The following SAMD4A variants were observed in gnomAD, a reference collection of about 807,000 sequenced individuals.
SAMD4A encodes protein Smaug homolog 1.
Under a neutral mutation model 81.3 loss-of-function variants are expected in SAMD4A, and 33 were observed. That is an observed-to-expected ratio of 0.41 (90% confidence interval 0.31 to 0.54). The LOEUF is 0.54. SAMD4A is among the 20% of genes least tolerant of loss of function. SAMD4A has a pLI of 0.37. For synonymous variants in SAMD4A, 389 were observed against 382.1 expected (o/e 1.02, Z -0.21); for missense variants, 854 against 951.1 (o/e 0.90, Z 1.34).
At chr14:54,638,844 A>G (rs1363605049) in intron 2 of SAMD4A, among the ~76,000 whole-genome samples, 3 of 152,224 alleles carry the variant, frequency 2.0e-5, no homozygotes, top group East Asian at 1.9e-4. Flanking sequence ...TTCAATGTAT[A>G]CCGATGTTCT....
At chr14:54,657,615 G>A (rs1214935101) in intron 2 of SAMD4A, among the ~76,000 whole-genome samples, 2 of 152,186 alleles carry the variant, frequency 1.3e-5, no homozygotes, top group Admixed American at 6.5e-5. Flanking sequence ...ACTGTGTTGG[G>A]TTTTCTGCTT....
intron 2 of SAMD4A, chr14:54,688,260 C>A: frequency 1.0e-6 from 1 of 985,406 alleles, no homozygotes; most frequent in Non-Finnish European, 1.2e-6. Flanking sequence ...TGAGTTGATA[C>A]CAAACTTCAC....
chr14:54,671,778 G>T (rs2035885353), intron 2 of SAMD4A, among the ~76,000 whole-genome samples: 1 of 152,186 alleles, frequency 6.6e-6, no homozygotes, highest in Admixed American at 6.5e-5. Context: ...CTGCCAGCAG[G>T]CATGAAATCA....
At chr14:54,596,584 C>CA (rs532929789) in intron 2 of SAMD4A, among the ~76,000 whole-genome samples, 1 of 151,880 alleles carries the variant, frequency 6.6e-6, no homozygotes, top group African/African-American at 2.4e-5. Flanking sequence ...GACTGCGTCT[C>CA]AAAAAAAAGA....
chr14:54,605,844 T>C (rs1566543677), intron 2 of SAMD4A, among the ~76,000 whole-genome samples: 1 of 152,006 alleles, frequency 6.6e-6, no homozygotes, highest in Non-Finnish European at 1.5e-5. Context: ...TATGTATGAC[T>C]TAAAAAATTA....
intron 2 of SAMD4A, among the ~76,000 whole-genome samples, chr14:54,594,771 A>C (rs567135300): frequency 1.3e-5 from 2 of 152,260 alleles, no homozygotes; most frequent in Non-Finnish European, 2.9e-5. Context: ...AGTCTCAGAC[A>C]TACTAACATA....
In SAMD4A at chr14:54,676,651, G is replaced by A. The variant is rs149527351; in HGVS notation, c.197-25411G>A. ...ACCCGCCTCAGCCTCCCAGAGTGCTGGGATTACAGGCGTGAACCACTGTGC... is the reference window on the plus strand; with the variant it reads ...ACCCGCCTCAGCCTCCCAGAGTGCTAGGATTACAGGCGTGAACCACTGTGC... On this transcript the variant is annotated intron_variant, in intron 2 of 12. Coordinates refer to ENST00000554335, the MANE Select transcript of SAMD4A (RefSeq NM_015589.6). 3.4e-3 allele frequency among the ~76,000 whole-genome samples: 522 copies of A among 152,310 alleles called. 6 individuals are homozygous for A. The highest frequency in any genetic ancestry group is 0.012 in the African/African-American group (501 of 41,566).
Position 54,589,125 on chromosome 14 carries a change from T to G in SAMD4A, c.196+21013T>G, listed in dbSNP as rs144131737. Reference sequence around the variant, plus strand: ...CCCTTATCTTAGAAAGTTTTACATTTGGATTTTGGTCTATTTTATTTCAAC... The same window carrying G: ...CCCTTATCTTAGAAAGTTTTACATTGGGATTTTGGTCTATTTTATTTCAAC... On this transcript the variant is annotated intron_variant, in intron 2 of 12. Coordinates refer to ENST00000554335, the MANE Select transcript of SAMD4A (RefSeq NM_015589.6). Among the ~76,000 whole-genome samples the G allele has an allele frequency of 2.2e-3, 329 of 152,318 alleles. 3 individuals carry two copies. Among genetic ancestry groups the G allele is most frequent in the African/African-American group, 7.6e-3 (315 of 41,564 alleles).
Position 54,592,881 on chromosome 14 carries a change from T to C in SAMD4A, c.196+24769T>C, listed in dbSNP as rs141493906. ...ATTTCCTTCTAGGCCGTCATCTTTA[T>C]GTTTATGCGTGTTTTTAACAATGTA... On this transcript the variant is annotated intron_variant, in intron 2 of 12. Coordinates refer to ENST00000554335, the MANE Select transcript of SAMD4A (RefSeq NM_015589.6). 2.1e-3 allele frequency among the ~76,000 whole-genome samples: 326 copies of C among 152,372 alleles called. 2 individuals carry two copies. The Middle Eastern group carries it at 0.024, about 11-fold the overall frequency.
chr14:54,775,413 G>T (rs1285316545), intron 10 of SAMD4A, among the ~76,000 whole-genome samples: 1 of 152,180 alleles, frequency 6.6e-6, no homozygotes, highest in Admixed American at 6.5e-5. Flanking sequence ...TTTCTTCTTT[G>T]CCCCATGCTT....
chr14:54,758,377 C>T (rs1017434769), intron 6 of SAMD4A, among the ~76,000 whole-genome samples: 2 of 152,134 alleles, frequency 1.3e-5, no homozygotes, highest in African/African-American at 4.8e-5. Flanking sequence ...TTTTTCTGAT[C>T]GATTGATTGG....
intron 2 of SAMD4A, among the ~76,000 whole-genome samples, chr14:54,576,941 G>C (rs2033315355): frequency 6.6e-6 from 1 of 152,236 alleles, no homozygotes; most frequent in Non-Finnish European, 1.5e-5. Context: ...GGGTCCCCAA[G>C]AAGGCAGAGC....
At chr14:54,766,886 G>A (rs902423493) in intron 8 of SAMD4A, among the ~76,000 whole-genome samples, 3 of 152,082 alleles carry the variant, frequency 2.0e-5, no homozygotes, top group South Asian at 2.1e-4. Flanking sequence ...CTGGCCTGAC[G>A]CTTCCTGCTT....
intron 2 of SAMD4A, chr14:54,682,156 A>G (rs1468452029): frequency 1.5e-6 from 1 of 665,166 alleles, no homozygotes; most frequent in East Asian, 1.4e-4. Context: ...GATTGTGGGG[A>G]GTCTGCTGTG....
In SAMD4A at chr14:54,789,123, C is replaced by G; in HGVS notation, c.*179C>G. ...TCATCCTCGTAAACATATCAGTAGA[C>G]CTGGGGTTGGTTATTTTGTCATTTG... On this transcript the variant is annotated 3_prime_UTR_variant, in exon 13 of 13. Coordinates refer to ENST00000554335, the MANE Select transcript of SAMD4A (RefSeq NM_015589.6). 2 of 667,812 alleles carry G rather than the reference C, an allele frequency of 3.0e-6. No individual in the cohort carries two copies. The highest frequency in any genetic ancestry group is 5.5e-5 in the East Asian group (2 of 36,352). 41.4% of individuals were successfully genotyped at this position (667,812 alleles called of 1,614,324 possible).
intron 2 of SAMD4A, among the ~76,000 whole-genome samples, chr14:54,700,870 G>T (rs933440469): frequency 5.3e-5 from 8 of 152,056 alleles, no homozygotes; most frequent in Non-Finnish European, 8.8e-5. Context: ...GTCACAAAAG[G>T]ACAAACACTG....
intron 2 of SAMD4A, among the ~76,000 whole-genome samples, chr14:54,622,400 A>T (rs1407064250): frequency 6.6e-6 from 1 of 152,218 alleles, no homozygotes; most frequent in Non-Finnish European, 1.5e-5. Flanking sequence ...CCTCAGAGGC[A>T]GGCGTGTGAT....
chr14:54,637,055 G>C (rs974043378), intron 2 of SAMD4A, among the ~76,000 whole-genome samples: 2 of 152,060 alleles, frequency 1.3e-5, no homozygotes, highest in African/African-American at 4.8e-5. Context: ...TAAGAACTGA[G>C]TCATTTCAAC....
chr14:54,687,575 C>T (rs1018093567), intron 2 of SAMD4A, among the ~76,000 whole-genome samples: 2 of 152,220 alleles, frequency 1.3e-5, no homozygotes, highest in Admixed American at 6.5e-5. Flanking sequence ...GCATCTGGGC[C>T]GGCGATGCTT....
Sources: allele counts gnomAD v4.1 joint callset (sites outside exome capture counted in the v4.1 genomes callset), GRCh38; gene constraint gnomAD v4.1.1; transcripts MANE v1.5; gene names NCBI Gene and HGNC (gene_info 2026-07-23, HGNC 2026-07-21).